Variants in ANHX observed in about 807,000 individuals in gnomAD.
ANHX encodes the protein anomalous homeobox protein.
ANHX carries 20 observed loss-of-function variants against 38.9 expected under a neutral mutation model. That is an observed-to-expected ratio of 0.51 (90% CI 0.36 to 0.75). The LOEUF (loss-of-function observed/expected upper bound fraction) is 0.75, where lower values mean the gene tolerates loss of function less well. Ranked by LOEUF, ANHX falls within the 30% of genes least tolerant of loss-of-function variation. The pLI is 0.00. For missense variants in ANHX, 475 were observed against 493.1 expected (o/e 0.96, Z 0.35); for synonymous variants, 185 against 203.1 (o/e 0.91, Z 0.76).
intron 7 of ANHX, among the ~76,000 whole-genome samples, chr12:133,223,984 C>T (rs572911512): frequency 3.4e-4 from 51 of 152,220 alleles, no homozygotes; most frequent in Admixed American, 7.8e-4. Flanking sequence ...ATTTTTAGAA[C>T]AAATGAGGAC....
At chr12:133,228,546 C>A (rs1465607983) in intron 3 of ANHX, among the ~76,000 whole-genome samples, 3 of 152,196 alleles carry the variant, frequency 2.0e-5, no homozygotes, top group Non-Finnish European at 4.4e-5. Flanking sequence ...CCCCCAAGAC[C>A]TCCTCCCAAG....
At position 133,234,166 on chromosome 12, in the gene ANHX, G is replaced by A. The variant is rs746038900; in HGVS notation, c.191C>T (p.Ala64Val). ...CTGCTGGTCCAGGACACGGGCGCAC[G>A]CCAGGGCCACATCTGCGTTGTCCAG... is the stretch of plus-strand genomic sequence containing the variant. The part of the protein sequence containing the change: ...HLLDNADVAL[A>V]CARVLDQQEQ... Residue 64 changes from alanine (A) to valine (V), a missense_variant, in exon 2 of 10, where the codon GCG (alanine) becomes GTG (valine). By Grantham distance (64) the Ala-to-Val change is moderately conservative (BLOSUM62 0). Transcript: ENST00000545940. 125 of 1,536,014 alleles carry A rather than the reference G, an allele frequency of 8.1e-5. 2 individuals carry two copies. The highest frequency in any genetic ancestry group is 6.8e-4 in the East Asian group (28 of 40,932).
At chr12:133,227,623 C>T (rs1382322464) in intron 4 of ANHX, among the ~76,000 whole-genome samples, 1 of 152,240 alleles carries the variant, frequency 6.6e-6, no homozygotes, top group African/African-American at 2.4e-5. Flanking sequence ...GATGTTATGA[C>T]TCCACGTGAG....
rs1197078568 is a variant in ANHX at position 133,218,984 on chromosome 12, A to C, written c.1366-13T>G. On this transcript the variant is annotated splice_polypyrimidine_tract_variant and intron_variant, in intron 9 of 9. Coordinates refer to ENST00000545940, the MANE Select transcript of ANHX (RefSeq NM_001372060.1). ...CAGAACACTGCACCTGGAAGACAAC[A>C]CAGTGGTAAACACAGAGGCTTCCTT... 6.5e-7 allele frequency: 1 copy of C among 1,528,204 alleles called. No homozygotes were observed. 94.7% of individuals were successfully genotyped at this position (1,528,204 alleles called of 1,614,324 possible).
At chr12:133,234,739 CTTGTT>C (rs1004755761) in intron 1 of ANHX, 20 of 222,590 alleles carry the variant, frequency 9.0e-5, no homozygotes, top group African/African-American at 4.0e-4. Context: ...CATACATGCA[CTTGTT>C]TTAACAGCAG....
intron 8 of ANHX, among the ~76,000 whole-genome samples, chr12:133,219,832 T>C (rs921971816): frequency 3.3e-5 from 5 of 152,294 alleles, no homozygotes; most frequent in South Asian, 2.1e-4. Flanking sequence ...CAGCTTTATC[T>C]GTGATGCCCC....
chr12:133,228,040 C>A, intron 3 of ANHX, 93 bp from the exon 4 acceptor site: 1 of 1,432,472 alleles, frequency 7.0e-7, no homozygotes, highest in Admixed American at 2.2e-5. Context: ...GGTGACACTT[C>A]CTTCCCTGTG....
chr12:133,229,101 T>C (rs1408013975), intron 3 of ANHX, among the ~76,000 whole-genome samples: 1 of 152,158 alleles, frequency 6.6e-6, no homozygotes, highest in Non-Finnish European at 1.5e-5. Context: ...CATCCTCCTC[T>C]GGGCTGCAAA....
intron 9 of ANHX, 53 bp downstream of exon 9, chr12:133,219,230 T>C (rs1302237510): frequency 6.9e-7 from 1 of 1,455,672 alleles, no homozygotes; most frequent in East Asian, 2.5e-5. Context: ...CACCATGAGC[T>C]GCAGATCCAG....
intron 7 of ANHX, among the ~76,000 whole-genome samples, chr12:133,222,084 G>T (rs1957115623): frequency 6.6e-6 from 1 of 152,120 alleles, no homozygotes; most frequent in Non-Finnish European, 1.5e-5. Context: ...CAGCTGCCCA[G>T]GGCCTTCTTA....
intron 7 of ANHX, among the ~76,000 whole-genome samples, chr12:133,225,166 C>T (rs1957172756): frequency 6.6e-6 from 1 of 151,984 alleles, no homozygotes; most frequent in Non-Finnish European, 1.5e-5. Flanking sequence ...CTACTACAGG[C>T]TAAGGGGGGT....
Position 133,222,464 on chromosome 12 carries a change from C to T in ANHX, c.1133-1112G>A, listed in dbSNP as rs548302508. ...TTTCAATAGACAGAACAAAGGAGTT[C>T]GCTGATTCCCACAGAACATCCCCCC... On this transcript the variant is annotated intron_variant, in intron 7 of 9. Transcript: ENST00000545940. Among the ~76,000 whole-genome samples the T allele has an allele frequency of 8.6e-4, 131 of 152,222 alleles. 1 individual carries two copies. The highest frequency in any genetic ancestry group is 2.8e-3 in the African/African-American group (118 of 41,534).
At position 133,221,229 on chromosome 12, in the gene ANHX, G is replaced by A; in HGVS notation, c.1256C>T (p.Ala419Val). 1 of 1,536,076 alleles carries A rather than the reference G, an allele frequency of 6.5e-7. No individual in the cohort carries two copies. Among genetic ancestry groups the A allele is most frequent in the Non-Finnish European group, 8.7e-7 (1 of 1,146,894 alleles). ...CCTCTGGGTGAGGATGAATTCAGGA[G>A]CTTGCAGTGGGGGCTGTGTCACCAG... ...SFLVTQPPLQ[A>V]PEFILTQSPP... Residue 419 changes from alanine (A) to valine (V), a missense_variant, in exon 8 of 10, where the codon GCT becomes GTT. Transcript: ENST00000545940. The surrounding 1 kb of genome is among the most constrained non-coding windows in gnomAD (Gnocchi z 4.1).
intron 2 of ANHX, among the ~76,000 whole-genome samples, chr12:133,232,294 T>C (rs1217446835): frequency 6.6e-6 from 1 of 152,258 alleles, no homozygotes; most frequent in African/African-American, 2.4e-5. Context: ...GACTCCTGTG[T>C]GGCTCCCACC....
chr12:133,225,975 C>T (rs928292786), intron 6 of ANHX, among the ~76,000 whole-genome samples, 147 bp from the exon 7 acceptor site: 6 of 150,604 alleles, frequency 4.0e-5, no homozygotes, highest in African/African-American at 1.4e-4. Flanking sequence ...AAAAGCAAAA[C>T]AGACAAAGTA....
intron 4 of ANHX, among the ~76,000 whole-genome samples, chr12:133,227,426 C>G (rs1479906646): frequency 6.6e-6 from 1 of 152,184 alleles, no homozygotes; most frequent in African/African-American, 2.4e-5. Flanking sequence ...CTAGGTCCAC[C>G]CAGACAACAT....
At chr12:133,235,605 C>G (rs1354640409) in intron 1 of ANHX, 3 of 151,406 alleles carry the variant, frequency 2.0e-5, no homozygotes, top group Non-Finnish European at 3.0e-5. Flanking sequence ...CCGGGGCCCC[C>G]CTTACCCTCA....
chr12:133,231,236 C>T (rs1030517721), intron 3 of ANHX, among the ~76,000 whole-genome samples: 1 of 152,214 alleles, frequency 6.6e-6, no homozygotes, highest in South Asian at 2.1e-4. Flanking sequence ...CACCTCCTGG[C>T]CTTAGCCTCA....
At position 133,218,734 on chromosome 12, in the gene ANHX, G is replaced by A; in HGVS notation, c.*151C>T. On this transcript the variant is annotated 3_prime_UTR_variant, in exon 10 of 10. Transcript: ENST00000545940. ...CCAAACTATTCAAACATGGCAGTGG[G>A]AAAGAATCTCTGCTTTTCAGCAGAG... 1 of 509,906 alleles carries A rather than the reference G, an allele frequency of 2.0e-6. No individual in the cohort carries two copies. The highest frequency in any genetic ancestry group is 3.2e-5 in the East Asian group (1 of 31,160). The allele number at this position is 509,906 out of a possible 1,614,324, so 31.6% of individuals were successfully genotyped here.
Sources: gnomAD v4.1 joint callset for allele counts (sites outside exome capture counted in the v4.1 genomes callset) on GRCh38, gnomAD v4.1.1 for gene constraint, Gnocchi (gnomAD v3.1) non-coding constraint, MANE v1.5 for transcripts, NCBI Gene and HGNC (gene_info 2026-07-23, HGNC 2026-07-21) for gene names.